The following ARHGEF37 variants were observed in gnomAD, a reference collection of about 807,000 sequenced individuals.
ARHGEF37 encodes the protein Rho guanine nucleotide exchange factor (GEF) 37.
A neutral mutation model predicts 71.1 loss-of-function variants in ARHGEF37; 55 were observed. The ratio of observed to expected loss-of-function variants is 0.77; its 90% CI spans 0.62 to 0.97. ARHGEF37 has a LOEUF of 0.97. Ranked by LOEUF, ARHGEF37 falls within the 50% of genes least tolerant of loss-of-function variation. The pLI is 0.00. For missense variants in ARHGEF37, 765 were observed against 836.8 expected, an observed-to-expected ratio of 0.91 and a Z score of 1.06; for synonymous variants, 327 against 350.6, an observed-to-expected ratio of 0.93 and a Z score of 0.75.
chr5:149,594,434 C>A (rs1436479542), intron 1 of ARHGEF37, among the ~76,000 whole-genome samples: 1 of 152,212 alleles, frequency 6.6e-6, no homozygotes, highest in Non-Finnish European at 1.5e-5. Flanking sequence ...ATGCATCAGA[C>A]AGATTTGTTT....
At chr5:149,612,584 G>A (rs1278142465) in intron 4 of ARHGEF37, among the ~76,000 whole-genome samples, 1 of 152,342 alleles carries the variant, frequency 6.6e-6, no homozygotes, top group South Asian at 2.1e-4. Flanking sequence ...ACTGGATAGA[G>A]TCCAAGTGTG....
Position 149,620,438 on chromosome 5 carries a change from C to G in ARHGEF37, c.979C>G (p.Leu327Val). The part of the protein sequence containing the change: ...AVQYCNLARD[L>V]HLEAFLKFKQ... ...GCAGTATTGCAATTTGGCAAGAGAC[C>G]TTCACCTTGAGGCCTTCCTGAAATT... Residue 327 changes from leucine to valine, a missense_variant, in exon 8 of 13, where the codon CTT (leucine) becomes GTT (valine). By Grantham distance (32) the Leu-to-Val change is conservative. Coordinates refer to ENST00000333677, the MANE Select transcript of ARHGEF37 (RefSeq NM_001001669.3). The G allele has an allele frequency of 6.2e-7, 1 of 1,611,942 alleles. No homozygotes were observed. Among genetic ancestry groups the G allele is most frequent in the Non-Finnish European group, 8.5e-7 (1 of 1,179,098 alleles).
At chr5:149,596,257 TG>T in intron 1 of ARHGEF37, among the ~76,000 whole-genome samples, 1 of 152,300 alleles carries the variant, frequency 6.6e-6, no homozygotes, top group East Asian at 1.9e-4. Flanking sequence ...CTAAGTGTTT[TG>T]TAGTAGGAAA....
intron 1 of ARHGEF37, among the ~76,000 whole-genome samples, chr5:149,589,323 TATTA>T (rs148953672): frequency 2.0e-5 from 3 of 151,568 alleles, no homozygotes; most frequent in African/African-American, 7.3e-5. Context: ...CATAATGTTT[TATTA>T]ATTAATTAAT....
intron 1 of ARHGEF37, among the ~76,000 whole-genome samples, chr5:149,589,861 C>T (rs1381582072): frequency 6.6e-6 from 1 of 151,734 alleles, no homozygotes; most frequent in East Asian, 1.9e-4. Flanking sequence ...GAGATGGGGT[C>T]TCACTGTGTT....
intron 5 of ARHGEF37, 26 bp from the exon 6 acceptor site, chr5:149,618,150 G>A: frequency 6.2e-7 from 1 of 1,613,516 alleles, no homozygotes; most frequent in African/African-American, 1.3e-5. Flanking sequence ...TGATCACCGT[G>A]CTTCCCCTCT....
chr5:149,572,237 G>A (rs375798529), intron 1 of ARHGEF37, among the ~76,000 whole-genome samples: 7 of 152,138 alleles, frequency 4.6e-5, no homozygotes, highest in East Asian at 1.9e-4. Flanking sequence ...TGGAAAAACT[G>A]ATAATCTATA....
chr5:149,582,603 A>G (rs560026404), intron 1 of ARHGEF37, among the ~76,000 whole-genome samples: 1 of 152,350 alleles, frequency 6.6e-6, no homozygotes, highest in Admixed American at 6.5e-5. Context: ...GGGTGACTAT[A>G]GTTTACAATA....
chr5:149,600,800 G>A (rs941834737), intron 2 of ARHGEF37, among the ~76,000 whole-genome samples: 4 of 151,906 alleles, frequency 2.6e-5, no homozygotes, highest in African/African-American at 7.3e-5. Context: ...CCACCATGCC[G>A]AGCTAATTTT....
intron 11 of ARHGEF37, among the ~76,000 whole-genome samples, chr5:149,627,809 C>T (rs1268774346): frequency 2.0e-5 from 3 of 152,164 alleles, no homozygotes; most frequent in Non-Finnish European, 2.9e-5. Flanking sequence ...GGTGATATGG[C>T]CCAGGAGAGC....
At chr5:149,621,127 G>A (rs886548185) in intron 8 of ARHGEF37, among the ~76,000 whole-genome samples, 3 of 152,056 alleles carry the variant, frequency 2.0e-5, no homozygotes, top group African/African-American at 7.2e-5. Flanking sequence ...GTGATAAGCT[G>A]GGATCTGAGC....
intron 3 of ARHGEF37, among the ~76,000 whole-genome samples, chr5:149,605,363 G>A (rs953421740): frequency 7.2e-5 from 11 of 152,020 alleles, no homozygotes; most frequent in Non-Finnish European, 1.3e-4. Context: ...TAACTCAATA[G>A]ATCCAAAATA....
At position 149,621,972 on chromosome 5, in the gene ARHGEF37, G is replaced by C; in HGVS notation, c.1245G>C (p.Gln415His). 6.2e-7 allele frequency: 1 copy of C among 1,614,240 alleles called. No homozygotes were observed. ...CACAGTTTAACCAGCTGGTCATGCA[G>C]TGGCTGGGCCAGATCATGTGCACAT... ...ELPQFNQLVM[Q>H]WLGQIMCTFV... Residue 415 changes from glutamine (Q) to histidine (H), a missense_variant, in exon 9 of 13, where the codon CAG becomes CAC. Transcript: ENST00000333677.
chr5:149,611,609 G>T (rs1764081321), intron 4 of ARHGEF37, among the ~76,000 whole-genome samples: 2 of 152,252 alleles, frequency 1.3e-5, no homozygotes, highest in Admixed American at 1.3e-4. Context: ...CCATGAGAGA[G>T]CCATCTTATG....
intron 11 of ARHGEF37, 103 bp downstream of exon 11, chr5:149,627,374 C>T: frequency 1.5e-5 from 20 of 1,348,404 alleles, no homozygotes; most frequent in Non-Finnish European, 1.9e-5. Flanking sequence ...TCTGGCTGGG[C>T]ATTCCAGGAT....
At chr5:149,594,477 T>C (rs1485476687) in intron 1 of ARHGEF37, among the ~76,000 whole-genome samples, 2 of 152,162 alleles carry the variant, frequency 1.3e-5, no homozygotes, top group East Asian at 3.8e-4. Flanking sequence ...CCTCTGTACA[T>C]CCCTGCCCTC....
At chr5:149,630,340 A>G (rs933168965) in intron 12 of ARHGEF37, among the ~76,000 whole-genome samples, 4 of 152,136 alleles carry the variant, frequency 2.6e-5, no homozygotes, top group African/African-American at 9.7e-5. Context: ...ACCTCCCTCA[A>G]TGGAGGCAGC....
chr5:149,621,810 C>T lies in ARHGEF37; in HGVS notation c.1083C>T (p.Ile361=). Residue 361 remains isoleucine, a synonymous_variant, in exon 9 of 13, where the codon ATC becomes ATT. Transcript: ENST00000333677. Reference sequence around the variant, plus strand: ...CCCTGCTTGGCCCTCAGAACCTGATCAAGAAGCGTCTGGACAAGCTACTGG... The same window carrying T: ...CCCTGCTTGGCCCTCAGAACCTGATTAAGAAGCGTCTGGACAAGCTACTGG... ...AKALLGPQNL[I]KKRLDKLLDF... is the part of the protein sequence containing the mutation. 1 of 1,614,240 alleles carries T rather than the reference C, an allele frequency of 6.2e-7. No individual in the cohort carries two copies. The highest frequency in any genetic ancestry group is 8.5e-7 in the Non-Finnish European group (1 of 1,180,042).
At position 149,627,204 on chromosome 5, in the gene ARHGEF37, A is replaced by G. The variant is rs374109756; in HGVS notation, c.1593A>G (p.Gln531=). ...GTLDLTLPRG[Q]IVAILQNKDT... is the part of the protein sequence containing the mutation. Reference sequence around the variant, plus strand: ...TGGACCTGACTCTGCCTCGGGGCCAAATCGTGGCCATCCTTCAAAACAAGG... The same window carrying G: ...TGGACCTGACTCTGCCTCGGGGCCAGATCGTGGCCATCCTTCAAAACAAGG... The change falls in exon 11 of 13, where the codon CAA becomes CAG. Residue 531 remains glutamine (Q), a synonymous_variant. Coordinates refer to ENST00000333677, the MANE Select transcript of ARHGEF37 (RefSeq NM_001001669.3). 24 of 1,614,078 alleles carry G rather than the reference A, an allele frequency of 1.5e-5. No homozygotes were observed. Among genetic ancestry groups the G allele is most frequent in the Non-Finnish European group, 2.0e-5 (24 of 1,180,038 alleles).
Sources: allele counts gnomAD v4.1 joint callset (sites outside exome capture counted in the v4.1 genomes callset), GRCh38; gene constraint gnomAD v4.1.1; transcripts MANE v1.5; gene names NCBI Gene and HGNC (gene_info 2026-07-23, HGNC 2026-07-21).